Variants in NUP93 observed in about 807,000 individuals in gnomAD.
NUP93 encodes nuclear pore complex protein Nup93.
Under a neutral mutation model 107.8 loss-of-function variants are expected in NUP93, and 55 were observed. The ratio of observed to expected loss-of-function variants is 0.51; its 90% CI spans 0.41 to 0.64. NUP93 has a LOEUF of 0.64. Ranked by LOEUF, NUP93 falls within the 30% of genes least tolerant of loss-of-function variation. The pLI is 0.00. For missense variants in NUP93, 937 were observed against 1,044.7 expected (o/e 0.90, Z 1.42); for synonymous variants, 390 against 397.5 (o/e 0.98, Z 0.22).
chr16:56,814,800 C>G (rs1390410700), intron 5 of NUP93, among the ~76,000 whole-genome samples: 1 of 152,194 alleles, frequency 6.6e-6, no homozygotes, highest in East Asian at 1.9e-4. Context: ...GTCTCTGGCT[C>G]CCTGCTCCTG....
chr16:56,739,754 G>T (rs1961683770), intron 1 of NUP93, among the ~76,000 whole-genome samples: 1 of 126,470 alleles, frequency 7.9e-6, no homozygotes, highest in African/African-American at 3.1e-5. Flanking sequence ...GGACGGGGCG[G>T]CTGGCCGGGC....
At chr16:56,823,577 G>T in intron 7 of NUP93, 130 bp from the exon 8 acceptor site, 1 of 1,104,604 alleles carries the variant, frequency 9.1e-7, no homozygotes, top group Non-Finnish European at 1.3e-6. Context: ...AAGCCTAGCC[G>T]TCACAGACAG....
chr16:56,789,443 A>G (rs1351378025), intron 3 of NUP93, among the ~76,000 whole-genome samples: 1 of 152,238 alleles, frequency 6.6e-6, no homozygotes, highest in African/African-American at 2.4e-5. Context: ...GAAACCATGT[A>G]CAAAATGGGA....
At chr16:56,808,618 A>G (rs1277825665) in intron 5 of NUP93, among the ~76,000 whole-genome samples, 8 of 133,504 alleles carry the variant, frequency 6.0e-5, no homozygotes, top group Non-Finnish European at 1.2e-4. Flanking sequence ...ATAAATATTT[A>G]TAAATATATA....
At chr16:56,777,165 T>C (rs979238176) in intron 3 of NUP93, among the ~76,000 whole-genome samples, 2 of 152,226 alleles carry the variant, frequency 1.3e-5, no homozygotes, top group Admixed American at 6.5e-5. Context: ...TATTGAGGAC[T>C]ATACTTCCTC....
At chr16:56,802,967 A>T in intron 4 of NUP93, among the ~76,000 whole-genome samples, 1 of 124,230 alleles carries the variant, frequency 8.0e-6, no homozygotes, top group South Asian at 2.6e-4. Context: ...TCCCTCTCCC[A>T]CCCCCTCCCC....
chr16:56,748,363 C>A lies in NUP93; in HGVS notation c.116C>A (p.Ala39Glu). The change falls in exon 2 of 22, where the codon GCG becomes GAG. Residue 39 changes from alanine to glutamate, a missense_variant. Coordinates refer to ENST00000308159, the MANE Select transcript of NUP93 (RefSeq NM_014669.5). ...VERNLQEIQQ[A>E]GERLRSRTLT... is the part of the protein sequence containing the mutation. ...CGGAACTTACAGGAGATCCAGCAGG[C>A]GGGAGAGCGCCTGCGTTCCCGTACC... 6.2e-7 allele frequency: 1 copy of A among 1,613,932 alleles called. No homozygotes were observed. Among genetic ancestry groups the A allele is most frequent in the Non-Finnish European group, 8.5e-7 (1 of 1,179,996 alleles).
chr16:56,792,544 G>A lies in NUP93; in HGVS notation c.298-5932G>A, dbSNP rs370690341. ...GAGGCTCAAGAAACCGTTTTGTACAGCTCACTCAACTTTTAAATCTCTATT... is the reference window on the plus strand; with the variant it reads ...GAGGCTCAAGAAACCGTTTTGTACAACTCACTCAACTTTTAAATCTCTATT... On this transcript the variant is annotated intron_variant, in intron 3 of 21. Transcript: ENST00000308159. 1.8e-4 allele frequency among the ~76,000 whole-genome samples: 28 copies of A among 152,320 alleles called. No individual in the cohort carries two copies. The South Asian group carries it at 5.8e-3, about 32-fold the overall frequency.
At chr16:56,834,467 T>A (rs1963869797) in intron 15 of NUP93, 25 bp downstream of exon 15, 2 of 1,611,440 alleles carry the variant, frequency 1.2e-6, no homozygotes, top group Non-Finnish European at 1.7e-6. Context: ...TTTTCTCTCC[T>A]CCCCATGGTT....
chr16:56,733,327 C>T (rs1192309952), intron 1 of NUP93, among the ~76,000 whole-genome samples: 1 of 152,048 alleles, frequency 6.6e-6, no homozygotes, highest in Non-Finnish European at 1.5e-5. Context: ...ACCTCCCTGA[C>T]CATGGGGAGG....
rs766698611 is a variant in NUP93, at chr16:56,836,593, C to T, written c.1783-8C>T. The T allele has an allele frequency of 5.1e-6, 8 of 1,557,298 alleles. No homozygotes were observed. The Admixed American group carries it at 1.3e-4, about 26-fold the overall frequency. Reference sequence around the variant, plus strand: ...CTCTTCCTCCCCCTCCATAATTTGTCTTGTCAGCCTGGAGTCATAGATAAG... The same window carrying T: ...CTCTTCCTCCCCCTCCATAATTTGTTTTGTCAGCCTGGAGTCATAGATAAG... On this transcript the variant is annotated splice_polypyrimidine_tract_variant and splice_region_variant and intron_variant, in intron 16 of 21. Transcript: ENST00000308159.
At chr16:56,760,568 A>C (rs1392640875) in intron 3 of NUP93, among the ~76,000 whole-genome samples, 1 of 152,046 alleles carries the variant, frequency 6.6e-6, no homozygotes, top group Non-Finnish European at 1.5e-5. Flanking sequence ...AGCTAGAAAG[A>C]GTTGGGGGCA....
At chr16:56,731,434 C>T (rs8053846) in intron 1 of NUP93, among the ~76,000 whole-genome samples, 2,435 of 150,726 alleles carry the variant, frequency 0.016, 75 homozygotes, top group African/African-American at 0.057. Context: ...CAGTCTCCCT[C>T]GGTCGCTCAG....
intron 2 of NUP93, among the ~76,000 whole-genome samples, chr16:56,757,830 C>T (rs1375458229): frequency 6.6e-6 from 1 of 152,204 alleles, no homozygotes; most frequent in African/African-American, 2.4e-5. Context: ...CACCTTGAAC[C>T]TTTAGTTTCC....
chr16:56,791,382 T>C (rs1299164124), intron 3 of NUP93, among the ~76,000 whole-genome samples: 1 of 152,232 alleles, frequency 6.6e-6, no homozygotes, highest in Non-Finnish European at 1.5e-5. Context: ...GACAGAACTG[T>C]GAAAGAACCA....
chr16:56,773,524 C>A (rs1806313727), intron 3 of NUP93, among the ~76,000 whole-genome samples: 1 of 152,222 alleles, frequency 6.6e-6, no homozygotes, highest in South Asian at 2.1e-4. Context: ...CTCTCCTGCC[C>A]TGAACACCTT....
chr16:56,768,107 G>T, intron 3 of NUP93, among the ~76,000 whole-genome samples: 1 of 152,174 alleles, frequency 6.6e-6, no homozygotes, highest in African/African-American at 2.4e-5. Flanking sequence ...GTCAGTCTTT[G>T]CACTTACCTG....
intron 3 of NUP93, among the ~76,000 whole-genome samples, chr16:56,765,321 A>C (rs2144492841): frequency 6.6e-6 from 1 of 152,358 alleles, no homozygotes; most frequent in South Asian, 2.1e-4. Context: ...TGTCCCTAAG[A>C]GAATGAACAG....
intron 5 of NUP93, among the ~76,000 whole-genome samples, chr16:56,806,937 GTCTCT>G (rs546442915): frequency 2.8e-4 from 43 of 152,294 alleles, no homozygotes; most frequent in African/African-American, 7.7e-4. Flanking sequence ...CGCTGCTACA[GTCTCT>G]TCTCAACACA....
Sources: gnomAD v4.1 joint callset for allele counts (sites outside exome capture counted in the v4.1 genomes callset) on GRCh38, gnomAD v4.1.1 for gene constraint, MANE v1.5 for transcripts, NCBI Gene and HGNC (gene_info 2026-07-23, HGNC 2026-07-21) for gene names.